KLC1: variants seen among roughly 807,000 people sequenced by gnomAD.
KLC1 encodes the protein kinesin light chain 1, also known as kinesin 2 60/70kDa.
A neutral mutation model predicts 84.2 loss-of-function variants in KLC1; 30 were observed. That is an observed-to-expected ratio of 0.36 (90% CI 0.27 to 0.48). KLC1 has a LOEUF of 0.48. KLC1 is among the 20% of genes least tolerant of loss of function. The probability of loss-of-function intolerance (pLI) is 0.99; values close to 1 mark genes in which losing one functional copy is unlikely to be tolerated. For synonymous variants in KLC1, 289 were observed against 293.3 expected, an observed-to-expected ratio of 0.99 and a Z score of 0.15; for missense variants, 499 against 805.4, an observed-to-expected ratio of 0.62 and a Z score of 4.60.
chr14:103,654,752 A>G lies in KLC1; in HGVS notation c.188A>G (p.Asn63Ser). ...TGTTTGAAGAAAGATGATGAAAGTA[A>G]TTTGGTGGAGGAGAAATCAAACATG... ...LKCLKKDDES[N>S]LVEEKSNMIR... Residue 63 changes from asparagine to serine, a missense_variant, in exon 2 of 17, where the codon AAT becomes AGT. Asn to Ser is a conservative substitution (Grantham distance 46). Around this residue, in one of 3 missense-constraint regions of KLC1, gnomAD observed 179 missense variants for 264.2 expected, o/e 0.68. Coordinates refer to ENST00000334553, the MANE Select transcript of KLC1 (RefSeq NM_001394837.1). The G allele has an allele frequency of 6.2e-7, 1 of 1,614,214 alleles. No homozygotes were observed. The highest frequency in any genetic ancestry group is 1.1e-5 in the South Asian group (1 of 91,082).
intron 15 of KLC1, chr14:103,700,360 G>T: frequency 2.7e-6 from 1 of 372,406 alleles, no homozygotes. Context: ...GGGTGCTGCC[G>T]TGGCCTGTGG....
intron 15 of KLC1, 122 bp downstream of exon 15, chr14:103,692,547 G>A (rs2082181644): frequency 1.0e-5 from 7 of 699,628 alleles, no homozygotes; most frequent in East Asian, 5.5e-5. Flanking sequence ...ACGCCGCCAC[G>A]TTTGTTCCTA....
chr14:103,676,023 A>G (rs1303090313), intron 11 of KLC1, among the ~76,000 whole-genome samples: 1 of 152,258 alleles, frequency 6.6e-6, no homozygotes, highest in Admixed American at 6.5e-5. Context: ...CCATACAGTA[A>G]ATTCATGAGA....
chr14:103,682,007 G>A (rs1277298927), intron 13 of KLC1, among the ~76,000 whole-genome samples: 1 of 152,082 alleles, frequency 6.6e-6, no homozygotes, highest in African/African-American at 2.4e-5. Context: ...ACTTACTTGT[G>A]TGCATCAAGA....
In KLC1 at chr14:103,638,205, C is replaced by G. The variant is rs2077192965; in HGVS notation, c.-2+8711C>G. Among the ~76,000 whole-genome samples, 4 of 152,242 alleles carry G rather than the reference C, an allele frequency of 2.6e-5. No homozygotes were observed. The South Asian group carries it at 8.3e-4, about 32-fold the overall frequency. On this transcript the variant is annotated intron_variant, in intron 1 of 16. Transcript: ENST00000334553. Reference sequence around the variant, plus strand: ...TTATAAACCTTTGCAAGGAAAAAACCTCTGTTTTCTTCCCTCCATCCCATT... The same window carrying G: ...TTATAAACCTTTGCAAGGAAAAAACGTCTGTTTTCTTCCCTCCATCCCATT...
chr14:103,639,903 T>C (rs1300431472), intron 1 of KLC1, among the ~76,000 whole-genome samples: 1 of 151,656 alleles, frequency 6.6e-6, no homozygotes, highest in Non-Finnish European at 1.5e-5. Context: ...CACAGGTGCA[T>C]GTCACCACAC....
At chr14:103,697,003 C>A in intron 15 of KLC1, 4 of 985,450 alleles carry the variant, frequency 4.1e-6, no homozygotes, top group Non-Finnish European at 4.8e-6. Context: ...TGGGCGGGGC[C>A]GGCCGAGCTT....
At chr14:103,632,949 A>G (rs2076795349) in intron 1 of KLC1, among the ~76,000 whole-genome samples, 1 of 152,094 alleles carries the variant, frequency 6.6e-6, no homozygotes, top group Non-Finnish European at 1.5e-5. Context: ...GTAAAGGGGC[A>G]TGTTGGGAAG....
At chr14:103,660,521 G>A (rs1405104454) in intron 3 of KLC1, among the ~76,000 whole-genome samples, 1 of 151,658 alleles carries the variant, frequency 6.6e-6, no homozygotes, top group Non-Finnish European at 1.5e-5. Flanking sequence ...CGATGCGGTG[G>A]CTCATGCCTG....
At chr14:103,653,044 G>A (rs1298379162) in intron 1 of KLC1, among the ~76,000 whole-genome samples, 2 of 152,120 alleles carry the variant, frequency 1.3e-5, no homozygotes, top group Admixed American at 6.6e-5. Context: ...TTCATGCAGC[G>A]TCTGTCAGTC....
At chr14:103,680,764 G>A (rs530765081) in intron 13 of KLC1, among the ~76,000 whole-genome samples, 5 of 152,282 alleles carry the variant, frequency 3.3e-5, no homozygotes, top group East Asian at 3.9e-4. Flanking sequence ...GGTTGCTGTC[G>A]TATCTGCATG....
chr14:103,647,204 T>A (rs1430848694), intron 1 of KLC1, among the ~76,000 whole-genome samples: 1 of 152,076 alleles, frequency 6.6e-6, no homozygotes, highest in Admixed American at 6.6e-5. Flanking sequence ...TTATTTACTT[T>A]CTTTATCCAG....
intron 12 of KLC1, 165 bp from the exon 13 acceptor site, chr14:103,679,219 C>T: frequency 1.2e-6 from 1 of 840,914 alleles, no homozygotes; most frequent in East Asian, 2.6e-5. Context: ...TTTCCAGTTC[C>T]CCGCCTCCAC....
At chr14:103,679,645 T>A in intron 13 of KLC1, 100 bp downstream of exon 13, 1 of 814,636 alleles carries the variant, frequency 1.2e-6, no homozygotes, top group Non-Finnish European at 2.0e-6. Context: ...TCTGCTTTTC[T>A]CAAATTAAGT....
chr14:103,675,477 T>G (rs2080801971), intron 9 of KLC1, 75 bp from the exon 10 acceptor site: 1 of 1,279,252 alleles, frequency 7.8e-7, no homozygotes, highest in Non-Finnish European at 1.1e-6. Context: ...CAAAGGAAAT[T>G]CCCCTTAGAG....
chr14:103,699,108 G>A, intron 15 of KLC1: 2 of 1,570,378 alleles, frequency 1.3e-6, no homozygotes, highest in East Asian at 2.4e-5. Context: ...GCACAGAGGT[G>A]CACACACCAC....
chr14:103,637,157 G>C (rs2151298603), intron 1 of KLC1, among the ~76,000 whole-genome samples: 1 of 151,932 alleles, frequency 6.6e-6, no homozygotes, highest in Middle Eastern at 3.4e-3. Context: ...CTAATCTATG[G>C]CTTAACTTTA....
chr14:103,696,302 C>A lies in KLC1; in HGVS notation c.1848+3877C>A, dbSNP rs988839054. Reference sequence around the variant, plus strand: ...GTGTGGCTCAGGGGTCCTCAGAGGCCGGTGGTGCCCGCGGGTGGCACGGGG... The same window carrying A: ...GTGTGGCTCAGGGGTCCTCAGAGGCAGGTGGTGCCCGCGGGTGGCACGGGG... On this transcript the variant is annotated intron_variant, in intron 15 of 16. Coordinates refer to ENST00000334553, the MANE Select transcript of KLC1 (RefSeq NM_001394837.1). The A allele has an allele frequency of 1.3e-5, 13 of 985,168 alleles. No homozygotes were observed. In the African/African-American group the frequency reaches 2.3e-4, roughly 17 times the overall value. The allele number at this position is 985,168 out of a possible 1,614,324, so 61.0% of individuals were successfully genotyped here.
chr14:103,693,840 C>T lies in KLC1; in HGVS notation c.1848+1415C>T, dbSNP rs369717577. The T allele has an allele frequency of 2.0e-4, 277 of 1,379,196 alleles. 2 individuals carry two copies. The East Asian group carries it at 5.2e-3, about 26-fold the overall frequency. The allele number at this position is 1,379,196 out of a possible 1,614,324, so 85.4% of individuals were successfully genotyped here. A position where few individuals can be genotyped will look rare whatever the true frequency, so the allele number is the denominator to read the frequency against. ...CCCCAGTGCCAGGAGCCACCCCGAC[C>T]GCGACCCGGCCAGGCTGGCTCAGGG... On this transcript the variant is annotated intron_variant, in intron 15 of 16. Transcript: ENST00000334553. The surrounding 1 kb of genome is among the most constrained non-coding windows in gnomAD (Gnocchi z 5.1).
Sources: allele counts gnomAD v4.1 joint callset (sites outside exome capture counted in the v4.1 genomes callset), GRCh38; gene constraint gnomAD v4.1.1; regional missense constraint gnomAD v4.1.1; non-coding constraint Gnocchi (gnomAD v3.1); transcripts MANE v1.5; gene names NCBI Gene and HGNC (gene_info 2026-07-23, HGNC 2026-07-21).